Variants in THBS2 observed in about 807,000 individuals in gnomAD.
THBS2 encodes the protein thrombospondin-2.
A neutral mutation model predicts 135.2 loss-of-function variants in THBS2; 47 were observed. The ratio of observed to expected loss-of-function variants is 0.35; its 90% CI spans 0.28 to 0.44. The LOEUF (loss-of-function observed/expected upper bound fraction) is 0.44, where lower values mean the gene tolerates loss of function less well. Among genes scored for constraint, THBS2 ranks in the 20% least tolerant of loss-of-function variants. The pLI, the probability that THBS2 is intolerant of heterozygous loss-of-function variation, is 1.00. For synonymous variants in THBS2, 639 were observed against 633.8 expected (o/e 1.01, Z -0.12); for missense variants, 1,288 against 1,603.1 (o/e 0.80, Z 3.36).
At position 169,240,488 on chromosome 6, in the gene THBS2, C is replaced by G. The variant is rs745659947; in HGVS notation, c.996G>C (p.Thr332=). 1.9e-6 allele frequency: 3 copies of G among 1,613,916 alleles called. No homozygotes were observed. The highest frequency in any genetic ancestry group is 2.2e-5 in the South Asian group (2 of 91,070). The change falls in exon 6 of 22, where the codon ACG becomes ACC. Residue 332 remains threonine, a synonymous_variant. Coordinates refer to ENST00000617924, the MANE Select transcript of THBS2 (RefSeq NM_003247.5). ...QDGRFFAENE[T]WVVDSCTTCT... is the part of the protein sequence containing the mutation. ...ACGTGGTGCAGCTGTCCACCACCCA[C>G]GTTTCATTTTCCGCAAAGAACCGGC...
Position 169,239,663 on chromosome 6 carries a change from G to A in THBS2, c.1065C>T (p.Cys355=). The change falls in exon 7 of 22, where the codon TGC becomes TGT. Residue 355 remains cysteine, a synonymous_variant. Transcript: ENST00000617924. ...KFKTICHQIT[C]PPATCASPSF... ...ATGGACTGGCGCAGGTTGCAGGCGG[G>A]CAGGTGATTTGGTGGCAAATGGTTT... 1 of 1,604,218 alleles carries A rather than the reference G, an allele frequency of 6.2e-7. No individual in the cohort carries two copies. The highest frequency in any genetic ancestry group is 8.5e-7 in the Non-Finnish European group (1 of 1,175,866).
At chr6:169,225,589 C>T (rs894661919) in intron 16 of THBS2, among the ~76,000 whole-genome samples, 5 of 152,252 alleles carry the variant, frequency 3.3e-5, no homozygotes, top group Non-Finnish European at 5.9e-5. Flanking sequence ...TCTCTCCACC[C>T]TCTGCCACCT....
At chr6:169,239,184 C>T in intron 7 of THBS2, 1 of 176,122 alleles carries the variant, frequency 5.7e-6, no homozygotes. Flanking sequence ...GGATAACAGT[C>T]TTTGGTTTTT....
At chr6:169,220,151 C>CCGGG (rs1562352634) in intron 21 of THBS2, 47 bp downstream of exon 21, 3 of 1,595,024 alleles carry the variant, frequency 1.9e-6, no homozygotes, top group Non-Finnish European at 2.6e-6. Context: ...CTTTCCCTTT[C>CCGGG]TGGGTGCCAC....
intron 15 of THBS2, 69 bp from the exon 16 acceptor site, chr6:169,226,367 A>C: frequency 7.8e-7 from 1 of 1,277,014 alleles, no homozygotes. Context: ...GAAAAAGCAC[A>C]TTGTTTTTCC....
rs1779177003 is a variant in THBS2, at chr6:169,216,507, C to CTGAT, written c.*1311_*1314dup. On this transcript the variant is annotated 3_prime_UTR_variant, in exon 22 of 22. Transcript: ENST00000617924. ...TGGGTGTGCCTGGCAAGACTAAATG[C>CTGAT]TGATTCTTTTCAGCGTTTGAATTAA... The CTGAT allele has an allele frequency of 1.1e-5, 1 of 90,824 alleles. No homozygotes were observed. The highest frequency in any genetic ancestry group is 5.7e-5 in the African/African-American group (1 of 17,542). 5.6% of individuals were successfully genotyped at this position (90,824 alleles called of 1,614,324 possible).
intron 19 of THBS2, among the ~76,000 whole-genome samples, chr6:169,221,882 A>G (rs1187950910): frequency 6.6e-6 from 1 of 152,158 alleles, no homozygotes; most frequent in Admixed American, 6.5e-5. Flanking sequence ...CCTAGCTTCA[A>G]TTTTTAAAAT....
chr6:169,228,345 C>T, intron 14 of THBS2, 64 bp from the exon 15 acceptor site: 2 of 1,575,200 alleles, frequency 1.3e-6, no homozygotes, highest in Non-Finnish European at 1.7e-6. Context: ...GGCCGTTTAG[C>T]ACTTATAAGT....
In THBS2 at chr6:169,217,663, T is replaced by C; in HGVS notation, c.*159A>G. 1 of 684,628 alleles carries C rather than the reference T, an allele frequency of 1.5e-6. No individual in the cohort carries two copies. Among genetic ancestry groups the C allele is most frequent in the Non-Finnish European group, 2.4e-6 (1 of 420,224 alleles). The allele number at this position is 684,628 out of a possible 1,614,324, so 42.4% of individuals were successfully genotyped here. On this transcript the variant is annotated 3_prime_UTR_variant, in exon 22 of 22. Transcript: ENST00000617924. Reference sequence around the variant, plus strand: ...TTGATATTTATCCTCTGAAGGCACTTGGGTTTGGGGTTGCTGGCAGGAGGT... The same window carrying C: ...TTGATATTTATCCTCTGAAGGCACTCGGGTTTGGGGTTGCTGGCAGGAGGT...
chr6:169,229,703 C>T (rs1179824622), intron 13 of THBS2, 24 bp from the exon 14 acceptor site: 1 of 1,582,614 alleles, frequency 6.3e-7, no homozygotes, highest in Non-Finnish European at 8.7e-7. Context: ...AGGAAGAATA[C>T]TTGGAAAAAC....
chr6:169,246,114 C>A, intron 4 of THBS2, 83 bp downstream of exon 4: 1 of 1,178,258 alleles, frequency 8.5e-7, no homozygotes, highest in Non-Finnish European at 1.3e-6. Context: ...AATGCACACA[C>A]ATACACACAC....
chr6:169,246,082 TA>T (rs1304494763), intron 4 of THBS2, 114 bp downstream of exon 4: 1 of 780,364 alleles, frequency 1.3e-6, no homozygotes, highest in African/African-American at 1.7e-5. Flanking sequence ...CAAATATTTT[TA>T]CTTAAATTTT....
At chr6:169,226,971 G>A (rs569510646) in intron 15 of THBS2, among the ~76,000 whole-genome samples, 5 of 152,278 alleles carry the variant, frequency 3.3e-5, no homozygotes, top group Non-Finnish European at 5.9e-5. Context: ...GGAAGGGACT[G>A]GAGCTTGAGA....
At position 169,252,244 on chromosome 6, in the gene THBS2, A is replaced by G. The variant is rs532088931; in HGVS notation, c.-22-1438T>C. On this transcript the variant is annotated intron_variant, in intron 1 of 21. Transcript: ENST00000617924. The surrounding 1 kb of genome is among the most constrained non-coding windows in gnomAD (Gnocchi z 4.3). The stretch of plus-strand genomic sequence containing the variant: ...ATAGGGCCTTTCTATGGAGCTCTTA[A>G]GAGGGTTTAATGACAGGAGCGAACA... The G allele has an allele frequency of 1.1e-4, 16 of 152,324 alleles. No individual in the cohort carries two copies. The highest frequency in any genetic ancestry group is 3.4e-4 in the African/African-American group (14 of 41,560). 9.4% of individuals were successfully genotyped at this position (152,324 alleles called of 1,614,324 possible).
In THBS2 at chr6:169,228,284, G is replaced by C. The variant is rs113924621; in HGVS notation, c.2260-3C>G. The C allele has an allele frequency of 9.3e-6, 15 of 1,613,748 alleles. No homozygotes were observed. Among genetic ancestry groups the C allele is most frequent in the Non-Finnish European group, 1.3e-5 (15 of 1,179,962 alleles). On this transcript the variant is annotated splice_polypyrimidine_tract_variant and splice_region_variant and intron_variant, in intron 14 of 21. Transcript: ENST00000617924. ...TTGAAGAGGAGCTGGCAGTTGTCCTGGAAAACCAAGAAAGGGAAGACTTTA... is the reference window on the plus strand; with the variant it reads ...TTGAAGAGGAGCTGGCAGTTGTCCTCGAAAACCAAGAAAGGGAAGACTTTA...
At position 169,228,645 on chromosome 6, in the gene THBS2, C is replaced by T. The variant is rs114722596; in HGVS notation, c.2260-364G>A. 4.7e-3 allele frequency among the ~76,000 whole-genome samples: 703 copies of T among 150,106 alleles called. 5 individuals are homozygous for T. Among genetic ancestry groups the T allele is most frequent in the African/African-American group, 0.016 (646 of 40,814 alleles). ...AGTGCTTTAAAAAGCCAGTTAGGCCCGGGCACAGTGGCTCACACCATTAAT... is the reference window on the plus strand; with the variant it reads ...AGTGCTTTAAAAAGCCAGTTAGGCCTGGGCACAGTGGCTCACACCATTAAT... On this transcript the variant is annotated intron_variant, in intron 14 of 21. Transcript: ENST00000617924.
At chr6:169,247,337 T>C (rs1193952751) in intron 3 of THBS2, among the ~76,000 whole-genome samples, 1 of 152,228 alleles carries the variant, frequency 6.6e-6, no homozygotes, top group Non-Finnish European at 1.5e-5. Flanking sequence ...TGGCTCTGCA[T>C]GCATTGTGTG....
rs770525883 is a variant in THBS2 at position 169,223,260 on chromosome 6, C to T, written c.2989G>A (p.Gly997Ser). 14 of 1,613,318 alleles carry T rather than the reference C, an allele frequency of 8.7e-6. No homozygotes were observed. Among genetic ancestry groups the T allele is most frequent in the East Asian group, 2.2e-5 (1 of 44,864 alleles). Residue 997 changes from glycine to serine, a missense_variant, in exon 18 of 22, where the codon GGC (glycine) becomes AGC (serine). Physicochemically the swap from Gly to Ser is moderately conservative, Grantham distance 56 (BLOSUM62 0). This residue lies in a region of THBS2 where 874 missense variants were observed against 1,156.1 expected (regional missense o/e 0.76). Coordinates refer to ENST00000617924, the MANE Select transcript of THBS2 (RefSeq NM_003247.5). ...CTCAGAGACTCACCTACAGCGATGC[C>T]GGGGTCCGAGTTGGCTGTCTGAACC... ...ELVQTANSDP[G>S]IAVGFDEFGS...
chr6:169,218,822 G>A (rs1415029737), intron 21 of THBS2, among the ~76,000 whole-genome samples: 1 of 123,280 alleles, frequency 8.1e-6, no homozygotes, highest in Non-Finnish European at 1.7e-5. Context: ...GCATGGGTGG[G>A]TGGCTGAGAT....
Sources: allele counts gnomAD v4.1 joint callset (sites outside exome capture counted in the v4.1 genomes callset), GRCh38; gene constraint gnomAD v4.1.1; regional missense constraint gnomAD v4.1.1; non-coding constraint Gnocchi (gnomAD v3.1); transcripts MANE v1.5; gene names NCBI Gene and HGNC (gene_info 2026-07-23, HGNC 2026-07-21).